The following GNG12 variants were observed in gnomAD, a reference collection of about 807,000 sequenced individuals.
The protein encoded by GNG12 is G protein subunit gamma 12.
For synonymous variants in GNG12, 28 were observed against 29.7 expected (o/e 0.94, Z 0.19); for missense variants, 69 against 83.8 (o/e 0.82, Z 0.69).
intron 2 of GNG12, among the ~76,000 whole-genome samples, chr1:67,719,589 T>C (rs891353569): frequency 2.6e-5 from 4 of 152,226 alleles, no homozygotes; most frequent in African/African-American, 9.6e-5. Flanking sequence ...TGTATAAATA[T>C]TGTCTTCCCA....
intron 1 of GNG12, among the ~76,000 whole-genome samples, chr1:67,815,141 C>A (rs1646946197): frequency 1.3e-5 from 2 of 152,146 alleles, no homozygotes; most frequent in South Asian, 2.1e-4. Context: ...TCAATCCAAA[C>A]AAAACCTCTC....
intron 2 of GNG12, among the ~76,000 whole-genome samples, chr1:67,718,797 C>A (rs1646341308): frequency 1.3e-5 from 2 of 152,132 alleles, no homozygotes; most frequent in African/African-American, 4.8e-5. Flanking sequence ...CCCAGGAACC[C>A]CCAGGAAAAG....
intron 2 of GNG12, among the ~76,000 whole-genome samples, chr1:67,770,206 C>T (rs934625338): frequency 4.6e-5 from 7 of 152,234 alleles, no homozygotes; most frequent in Middle Eastern, 3.4e-3. Context: ...CAGGTCAGGA[C>T]GGTGGAAAGC....
At chr1:67,754,689 G>C (rs1646558054) in intron 2 of GNG12, among the ~76,000 whole-genome samples, 1 of 152,136 alleles carries the variant, frequency 6.6e-6, no homozygotes, top group Non-Finnish European at 1.5e-5. Flanking sequence ...CTTCCTGCAG[G>C]AAGCAGTGCT....
rs776177860 is a variant in GNG12 at position 67,707,635 on chromosome 1, C to T, written c.52G>A (p.Val18Met). The change falls in exon 3 of 4, where the codon GTG becomes ATG. Residue 18 changes from valine to methionine, a missense_variant. Transcript: ENST00000370982. Reference protein sequence around the residue: ...TNNIAQARRTVQQLRLEASIE... With the variant: ...TNNIAQARRTMQQLRLEASIE... Reference sequence around the variant, plus strand: ...GAGGCTTCTAATCTTAACTGCTGCACAGTTCTCCTTGCCTGGGCTATATTG... The same window carrying T: ...GAGGCTTCTAATCTTAACTGCTGCATAGTTCTCCTTGCCTGGGCTATATTG... 1 of 1,607,598 alleles carries T rather than the reference C, an allele frequency of 6.2e-7. No individual in the cohort carries two copies. The highest frequency in any genetic ancestry group is 1.7e-5 in the Admixed American group (1 of 58,994).
At chr1:67,724,656 CTGGG>C (rs1646376301) in intron 2 of GNG12, among the ~76,000 whole-genome samples, 8 of 152,174 alleles carry the variant, frequency 5.3e-5, no homozygotes, top group Admixed American at 5.2e-4. Flanking sequence ...TCCCAAAGTG[CTGGG>C]ATTACAGGTG....
At chr1:67,776,784 C>CCAGTAAATTTTGACTCAAAATGCTGG (rs1646707907) in intron 2 of GNG12, among the ~76,000 whole-genome samples, 2 of 152,166 alleles carry the variant, frequency 1.3e-5, no homozygotes, top group Non-Finnish European at 2.9e-5. Context: ...TTATTTTGAG[C>CCAGTAAATTTTGACTCAAAATGCTGG]CAGTAAATTT....
intron 2 of GNG12, among the ~76,000 whole-genome samples, chr1:67,748,909 A>C (rs1352440684): frequency 6.6e-6 from 1 of 152,032 alleles, no homozygotes; most frequent in Non-Finnish European, 1.5e-5. Context: ...ATTCTTCCAT[A>C]ACACATGTGA....
chr1:67,761,813 A>C (rs1283691612), intron 2 of GNG12, among the ~76,000 whole-genome samples: 12 of 152,056 alleles, frequency 7.9e-5, no homozygotes, highest in Non-Finnish European at 1.8e-4. Flanking sequence ...GCAGGGAGAG[A>C]GGCAGGGGCA....
intron 1 of GNG12, among the ~76,000 whole-genome samples, chr1:67,802,724 C>A (rs1391123996): frequency 3.3e-5 from 5 of 152,176 alleles, no homozygotes; most frequent in Non-Finnish European, 4.4e-5. Flanking sequence ...TACCCTCTGC[C>A]CCTGTCTAGA....
intron 2 of GNG12, among the ~76,000 whole-genome samples, chr1:67,742,581 C>T (rs72922774): frequency 0.056 from 8,480 of 151,986 alleles, 716 homozygotes; most frequent in African/African-American, 0.18. Flanking sequence ...CCTGAAATGA[C>T]AGGTAGGGTC....
chr1:67,818,606 T>C (rs941784206), intron 1 of GNG12, among the ~76,000 whole-genome samples: 1 of 152,102 alleles, frequency 6.6e-6, no homozygotes, highest in South Asian at 2.1e-4. Context: ...TAGCTGCAGA[T>C]TGCTAACAAA....
chr1:67,823,801 C>CT (rs1307053848), intron 1 of GNG12, among the ~76,000 whole-genome samples: 7 of 152,164 alleles, frequency 4.6e-5, no homozygotes, highest in Non-Finnish European at 8.8e-5. Context: ...GGAATCAATC[C>CT]TTAAGTACAC....
At chr1:67,803,656 C>G (rs1646879189) in intron 1 of GNG12, among the ~76,000 whole-genome samples, 1 of 152,190 alleles carries the variant, frequency 6.6e-6, no homozygotes, top group South Asian at 2.1e-4. Flanking sequence ...TCACAACAAC[C>G]TTACGAAGTT....
chr1:67,797,895 A>G (rs1028250372), intron 1 of GNG12, among the ~76,000 whole-genome samples: 1 of 152,166 alleles, frequency 6.6e-6, no homozygotes, highest in Non-Finnish European at 1.5e-5. Context: ...GGCTGAGGTG[A>G]CACGCGTCTC....
chr1:67,792,062 T>C (rs1646804465), intron 1 of GNG12, among the ~76,000 whole-genome samples: 1 of 152,218 alleles, frequency 6.6e-6, no homozygotes, highest in South Asian at 2.1e-4. Flanking sequence ...TTCAGGTCTC[T>C]GGGTCAAGCG....
intron 2 of GNG12, among the ~76,000 whole-genome samples, chr1:67,727,457 G>A: frequency 6.6e-6 from 1 of 152,176 alleles, no homozygotes. Flanking sequence ...TTGGTAGATT[G>A]AATAAATACA....
At position 67,775,812 on chromosome 1, in the gene GNG12, C is replaced by T. The variant is rs1450690790; in HGVS notation, c.-27+1646G>A. 2.0e-5 allele frequency among the ~76,000 whole-genome samples: 3 copies of T among 152,142 alleles called. No homozygotes were observed. The East Asian group carries it at 5.8e-4, about 29-fold the overall frequency. On this transcript the variant is annotated intron_variant, in intron 2 of 3. Transcript: ENST00000370982. ...CAGATGGCAGGAATAGAAAGGAAGG[C>T]CATGTCATGGAGAAGGGAAAATTCC... is the stretch of plus-strand genomic sequence containing the variant.
At chr1:67,773,069 G>A (rs983406036) in intron 2 of GNG12, among the ~76,000 whole-genome samples, 1 of 152,156 alleles carries the variant, frequency 6.6e-6, no homozygotes, top group African/African-American at 2.4e-5. Context: ...AATCATATAA[G>A]TCAAGAGACT....
Sources: allele counts gnomAD v4.1 joint callset (sites outside exome capture counted in the v4.1 genomes callset), GRCh38; gene constraint gnomAD v4.1.1; transcripts MANE v1.5; gene names NCBI Gene and HGNC (gene_info 2026-07-23, HGNC 2026-07-21).